Variants in DNAJC8 observed in about 807,000 individuals in gnomAD.
DNAJC8 encodes dnaJ homolog subfamily C member 8.
DNAJC8 carries 24 observed loss-of-function variants against 43.2 expected under a neutral mutation model. That is an observed-to-expected ratio of 0.56 (90% CI 0.40 to 0.78). The LOEUF is 0.78. Among genes scored for constraint, DNAJC8 ranks in the 30% least tolerant of loss-of-function variants. DNAJC8 has a pLI of 0.00. For missense variants in DNAJC8, 207 were observed against 299.4 expected (o/e 0.69, Z 2.28); for synonymous variants, 83 against 98.0 (o/e 0.85, Z 0.90).
intron 2 of DNAJC8, among the ~76,000 whole-genome samples, chr1:28,217,050 C>T (rs1016957054): frequency 7.2e-5 from 11 of 151,938 alleles, no homozygotes; most frequent in Non-Finnish European, 1.0e-4. Flanking sequence ...TCAGGTGATC[C>T]GCCTGCCTCG....
At chr1:28,220,148 T>C (rs116655586) in intron 2 of DNAJC8, among the ~76,000 whole-genome samples, 209 of 152,344 alleles carry the variant, frequency 1.4e-3, no homozygotes, top group African/African-American at 4.8e-3. Context: ...TATATATACC[T>C]ACATACACAT....
intron 2 of DNAJC8, among the ~76,000 whole-genome samples, chr1:28,225,678 T>C (rs917767373): frequency 2.0e-5 from 3 of 149,096 alleles, no homozygotes; most frequent in Non-Finnish European, 4.5e-5. Flanking sequence ...CACTGAATTG[T>C]AAAACTAAAA....
intron 3 of DNAJC8, among the ~76,000 whole-genome samples, chr1:28,211,232 G>T (rs1291872840): frequency 6.6e-6 from 1 of 152,078 alleles, no homozygotes. Context: ...GTAATAATTT[G>T]GGGGAGGAGG....
chr1:28,213,028 T>TTTAA (rs1557708448), intron 3 of DNAJC8, among the ~76,000 whole-genome samples: 2 of 152,236 alleles, frequency 1.3e-5, no homozygotes, highest in African/African-American at 4.8e-5. Flanking sequence ...AAATGCCTTC[T>TTTAA]GTGTAATACA....
rs1291819378 is a variant in DNAJC8, at chr1:28,201,022, G to C, written c.*226C>G. ...ACCAATGGTGGCACCTTCTAATACT[G>C]GTTGTTCTAGGGGCAGGGAGAGGGA... On this transcript the variant is annotated 3_prime_UTR_variant, in exon 9 of 9. Coordinates refer to ENST00000263697, the MANE Select transcript of DNAJC8 (RefSeq NM_014280.3). 1 of 570,264 alleles carries C rather than the reference G, an allele frequency of 1.8e-6. No individual in the cohort carries two copies. The highest frequency in any genetic ancestry group is 1.9e-5 in the African/African-American group (1 of 52,792). The allele number at this position is 570,264 out of a possible 1,614,324, so 35.3% of individuals were successfully genotyped here.
intron 6 of DNAJC8, among the ~76,000 whole-genome samples, chr1:28,207,942 G>A (rs1310241818): frequency 2.0e-5 from 3 of 151,872 alleles, no homozygotes; most frequent in Non-Finnish European, 4.4e-5. Context: ...GCTCATGCCT[G>A]TAGCCTGCAA....
chr1:28,210,989 G>C (rs1476064614), intron 3 of DNAJC8, among the ~76,000 whole-genome samples: 2 of 152,042 alleles, frequency 1.3e-5, no homozygotes, highest in East Asian at 3.9e-4. Flanking sequence ...GAGCAACATA[G>C]CAAGACCCTG....
At chr1:28,211,492 C>A (rs894269100) in intron 3 of DNAJC8, among the ~76,000 whole-genome samples, 20 of 152,224 alleles carry the variant, frequency 1.3e-4, no homozygotes, top group Non-Finnish European at 5.9e-5. Context: ...GGATACTCAA[C>A]CTGTACTAAG....
chr1:28,208,488 T>C, intron 5 of DNAJC8, 75 bp from the exon 6 acceptor site: 2 of 993,320 alleles, frequency 2.0e-6, no homozygotes, highest in Non-Finnish European at 2.9e-6. Flanking sequence ...ACACATACAA[T>C]ATATTTAACT....
chr1:28,215,041 T>G (rs375567877), intron 2 of DNAJC8, 45 bp from the exon 3 acceptor site: 3 of 1,508,272 alleles, frequency 2.0e-6, no homozygotes, highest in Non-Finnish European at 2.7e-6. Flanking sequence ...GAAAATAAAT[T>G]ACATGTATAT....
intron 3 of DNAJC8, among the ~76,000 whole-genome samples, chr1:28,211,609 G>GA (rs1646810982): frequency 6.6e-6 from 1 of 151,648 alleles, no homozygotes; most frequent in African/African-American, 2.4e-5. Flanking sequence ...TGAAGCTTCT[G>GA]AAAAAGACAA....
At chr1:28,208,449 CTG>C (rs1473374620) in intron 5 of DNAJC8, 36 bp from the exon 6 acceptor site, 2 of 1,515,134 alleles carry the variant, frequency 1.3e-6, no homozygotes, top group African/African-American at 2.8e-5. Context: ...AGACGAGCAT[CTG>C]TGCTTTGAGA....
intron 4 of DNAJC8, 40 bp from the exon 5 acceptor site, chr1:28,210,106 C>G (rs374615967): frequency 7.8e-5 from 123 of 1,571,376 alleles, no homozygotes; most frequent in Non-Finnish European, 1.0e-4. Flanking sequence ...CTGCAAACAC[C>G]CTCTGAAAGT....
At chr1:28,207,420 CAAATA>C (rs1234658236) in intron 6 of DNAJC8, among the ~76,000 whole-genome samples, 1 of 148,266 alleles carries the variant, frequency 6.7e-6, no homozygotes, top group Non-Finnish European at 1.5e-5. Flanking sequence ...GTTTTAAGTT[CAAATA>C]AAATGTTTGT....
chr1:28,223,575 A>C (rs1646913400), intron 2 of DNAJC8, among the ~76,000 whole-genome samples: 1 of 152,074 alleles, frequency 6.6e-6, no homozygotes, highest in African/African-American at 2.4e-5. Context: ...TGTAGATATT[A>C]AATTCTGTAG....
At chr1:28,232,798 C>G in intron 1 of DNAJC8, 123 bp downstream of exon 1, 2 of 1,039,622 alleles carry the variant, frequency 1.9e-6, no homozygotes, top group Non-Finnish European at 2.8e-6. Flanking sequence ...CCCCCGCCAC[C>G]CCGAAGACTG....
chr1:28,209,311 T>G (rs540111018), intron 5 of DNAJC8, among the ~76,000 whole-genome samples: 1 of 152,298 alleles, frequency 6.6e-6, no homozygotes, highest in African/African-American at 2.4e-5. Flanking sequence ...ATGTGAAAAG[T>G]CATCCAATCA....
At chr1:28,223,089 G>C (rs1557712486) in intron 2 of DNAJC8, among the ~76,000 whole-genome samples, 2 of 152,144 alleles carry the variant, frequency 1.3e-5, no homozygotes, top group Non-Finnish European at 2.9e-5. Context: ...GCCAAGCATG[G>C]GGTATGGAAG....
At chr1:28,214,905 T>A (rs374608724) in intron 3 of DNAJC8, 35 bp downstream of exon 3, 11 of 1,550,988 alleles carry the variant, frequency 7.1e-6, no homozygotes, top group Non-Finnish European at 7.9e-6. Context: ...CTTCATACAT[T>A]TTCAAAAAGT....
Sources: allele counts gnomAD v4.1 joint callset (sites outside exome capture counted in the v4.1 genomes callset), GRCh38; gene constraint gnomAD v4.1.1; transcripts MANE v1.5; gene names NCBI Gene and HGNC (gene_info 2026-07-23, HGNC 2026-07-21).